TRIM24: variants seen among roughly 807,000 people sequenced by gnomAD.
TRIM24 encodes tripartite motif containing 24.
Under a neutral mutation model 123.9 loss-of-function variants are expected in TRIM24, and 29 were observed. That is an observed-to-expected ratio of 0.23 (90% confidence interval 0.17 to 0.32). The LOEUF (loss-of-function observed/expected upper bound fraction) is 0.32. Ranked by LOEUF, TRIM24 falls within the 10% of genes least tolerant of loss-of-function variation. The probability of loss-of-function intolerance (pLI) is 1.00; values close to 1 mark genes in which losing one functional copy is unlikely to be tolerated. For synonymous variants in TRIM24, 456 were observed against 461.1 expected (o/e 0.99, Z 0.14); for missense variants, 932 against 1,295.3 (o/e 0.72, Z 4.31).
Position 138,583,894 on chromosome 7 carries a change from A to C in TRIM24, c.2838A>C (p.Ser946=). ...YKIIKNPMDL[S]TIKKRLQEDY... ...TAATTAAAAATCCAATGGATTTGTC[A>C]ACCATCAAGAAAAGACTACAAGAAG... The change falls in exon 18 of 19, where the codon TCA becomes TCC. Residue 946 remains serine (S), a synonymous_variant. Transcript: ENST00000343526. 6.3e-7 allele frequency: 1 copy of C among 1,597,694 alleles called. No individual in the cohort carries two copies. The highest frequency in any genetic ancestry group is 1.4e-5 in the African/African-American group (1 of 73,966).
At position 138,585,707 on chromosome 7, in the gene TRIM24, A is replaced by C; in HGVS notation, c.*756A>C. On this transcript the variant is annotated 3_prime_UTR_variant, in exon 19 of 19. Coordinates refer to ENST00000343526, the MANE Select transcript of TRIM24 (RefSeq NM_015905.3). ...ATTTTCAACTTCTTCCACTGAGGGAAGTATATACATTTGGGTTTGCTGTGT... is the reference window on the plus strand; with the variant it reads ...ATTTTCAACTTCTTCCACTGAGGGACGTATATACATTTGGGTTTGCTGTGT... The C allele has an allele frequency of 2.3e-6, 1 of 434,062 alleles. No homozygotes were observed. Among genetic ancestry groups the C allele is most frequent in the South Asian group, 1.8e-5 (1 of 55,304 alleles). The allele number at this position is 434,062 out of a possible 1,614,324, so 26.9% of individuals were successfully genotyped here.
Position 138,570,922 on chromosome 7 carries a change from T to C in TRIM24, c.1797T>C (p.Tyr599=), listed in dbSNP as rs1171076823. 5 of 1,614,030 alleles carry C rather than the reference T, an allele frequency of 3.1e-6. No homozygotes were observed. The African/African-American group carries it at 4.0e-5, about 13-fold the overall frequency. The change falls in exon 11 of 19, where the codon TAT becomes TAC. Residue 599 remains tyrosine, a synonymous_variant. Transcript: ENST00000343526. Reference sequence around the variant, plus strand: ...CCACGATTACTAGTGCAGCAGGATATGATGGAAAGGCTTTTGGTTCACCTA... The same window carrying C: ...CCACGATTACTAGTGCAGCAGGATACGATGGAAAGGCTTTTGGTTCACCTA... The part of the protein sequence containing the change: ...SSPTITSAAG[Y]DGKAFGSPMI...
intron 6 of TRIM24, among the ~76,000 whole-genome samples, chr7:138,536,289 G>A (rs865953922): frequency 6.6e-6 from 1 of 152,260 alleles, no homozygotes; most frequent in African/African-American, 2.4e-5. Flanking sequence ...GGGGAGAGGC[G>A]CTCTGATTTT....
chr7:138,529,973 A>G (rs1013189818), intron 6 of TRIM24, among the ~76,000 whole-genome samples: 1 of 152,202 alleles, frequency 6.6e-6, no homozygotes, highest in Non-Finnish European at 1.5e-5. Flanking sequence ...AGATTTGAGG[A>G]AAAATAAGAC....
intron 3 of TRIM24, among the ~76,000 whole-genome samples, chr7:138,518,484 A>G (rs1796443767): frequency 6.6e-6 from 1 of 152,224 alleles, no homozygotes; most frequent in Admixed American, 6.5e-5. Flanking sequence ...ATTATGACAT[A>G]AACATTTTCC....
intron 8 of TRIM24, among the ~76,000 whole-genome samples, chr7:138,553,920 A>C (rs2116634841): frequency 6.6e-6 from 1 of 152,334 alleles, no homozygotes; most frequent in Admixed American, 6.5e-5. Context: ...GGGCTTATTT[A>C]GGGAACTTAC....
intron 11 of TRIM24, among the ~76,000 whole-genome samples, chr7:138,572,304 T>C (rs1028754034): frequency 6.6e-6 from 1 of 152,222 alleles, no homozygotes; most frequent in East Asian, 1.9e-4. Context: ...TAAACAACTT[T>C]CCTTGTATTA....
At chr7:138,488,824 G>T (rs1795712033) in intron 1 of TRIM24, among the ~76,000 whole-genome samples, 1 of 152,180 alleles carries the variant, frequency 6.6e-6, no homozygotes, top group Admixed American at 6.6e-5. Flanking sequence ...TGTATATTCT[G>T]TTGATTTGGG....
chr7:138,501,292 C>T (rs572825086), intron 1 of TRIM24, among the ~76,000 whole-genome samples: 2 of 152,098 alleles, frequency 1.3e-5, no homozygotes, highest in Admixed American at 6.5e-5. Context: ...TGCAGTGGCA[C>T]GATCTCGGCT....
intron 4 of TRIM24, among the ~76,000 whole-genome samples, chr7:138,524,087 T>C (rs1584717903): frequency 6.6e-6 from 1 of 152,212 alleles, no homozygotes; most frequent in Non-Finnish European, 1.5e-5. Context: ...TCATTGATGC[T>C]AAAATCTTGC....
chr7:138,559,176 A>G (rs1315125396), intron 9 of TRIM24, among the ~76,000 whole-genome samples: 2 of 152,134 alleles, frequency 1.3e-5, no homozygotes, highest in Non-Finnish European at 2.9e-5. Flanking sequence ...CACAGATTGA[A>G]TAGGTTACCT....
At chr7:138,575,801 G>T (rs893506717) in intron 12 of TRIM24, among the ~76,000 whole-genome samples, 2 of 152,042 alleles carry the variant, frequency 1.3e-5, no homozygotes, top group African/African-American at 4.8e-5. Context: ...TCTTTTTAGG[G>T]CAGTAGTCCA....
chr7:138,526,713 G>GA (rs1716871317), intron 5 of TRIM24, among the ~76,000 whole-genome samples: 1 of 152,006 alleles, frequency 6.6e-6, no homozygotes, highest in Non-Finnish European at 1.5e-5. Flanking sequence ...ACCTGGCCCT[G>GA]TTTTTACTTT....
intron 7 of TRIM24, among the ~76,000 whole-genome samples, chr7:138,542,066 T>A (rs1219770717): frequency 6.6e-6 from 1 of 152,206 alleles, no homozygotes; most frequent in Non-Finnish European, 1.5e-5. Flanking sequence ...TGATCTTCTA[T>A]CAAGACCACA....
chr7:138,571,915 A>G (rs1797665290), intron 11 of TRIM24, among the ~76,000 whole-genome samples: 1 of 152,100 alleles, frequency 6.6e-6, no homozygotes, highest in Non-Finnish European at 1.5e-5. Flanking sequence ...CTGTAGACAG[A>G]TCTCCATATA....
At chr7:138,556,713 G>GT (rs1797323237) in intron 9 of TRIM24, among the ~76,000 whole-genome samples, 1 of 152,226 alleles carries the variant, frequency 6.6e-6, no homozygotes, top group Non-Finnish European at 1.5e-5. Flanking sequence ...TCCAGGGCTA[G>GT]TATTTATGAG....
chr7:138,508,701 G>GCA (rs1554436623), intron 2 of TRIM24, among the ~76,000 whole-genome samples: 7 of 66,054 alleles, frequency 1.1e-4, no homozygotes, highest in African/African-American at 4.5e-4. Context: ...GTGCGCGCGC[G>GCA]TGTGTGCGTG....
intron 1 of TRIM24, among the ~76,000 whole-genome samples, chr7:138,500,727 T>C (rs1430279400): frequency 6.6e-6 from 1 of 151,602 alleles, no homozygotes; most frequent in East Asian, 1.9e-4. Context: ...AAAAAAAAAT[T>C]ATCCAGGCAT....
intron 2 of TRIM24, among the ~76,000 whole-genome samples, chr7:138,505,493 G>C (rs567482014): frequency 2.0e-5 from 3 of 148,892 alleles, no homozygotes; most frequent in South Asian, 4.3e-4. Flanking sequence ...AGCTTCATTT[G>C]TTTTTTGGGG....
Sources: allele counts gnomAD v4.1 joint callset (sites outside exome capture counted in the v4.1 genomes callset), GRCh38; gene constraint gnomAD v4.1.1; transcripts MANE v1.5; gene names NCBI Gene and HGNC (gene_info 2026-07-23, HGNC 2026-07-21).